The following ARHGAP44 variants were observed in gnomAD, a reference collection of about 807,000 sequenced individuals.
The protein encoded by ARHGAP44 is rho GTPase-activating protein 44.
A neutral mutation model predicts 106.8 loss-of-function variants in ARHGAP44; 43 were observed. That is an observed-to-expected ratio of 0.40 (90% CI 0.32 to 0.52). ARHGAP44 has a LOEUF of 0.52. ARHGAP44 is among the 20% of genes least tolerant of loss of function. The probability of loss-of-function intolerance (pLI) is 0.48; values close to 1 mark genes in which losing one functional copy is unlikely to be tolerated. For missense variants in ARHGAP44, 866 were observed against 1,050.5 expected, an observed-to-expected ratio of 0.82 and a Z score of 2.43; for synonymous variants, 439 against 410.3, an observed-to-expected ratio of 1.07 and a Z score of -0.85.
intron 1 of ARHGAP44, among the ~76,000 whole-genome samples, chr17:12,798,073 A>G (rs972078785): frequency 2.0e-5 from 3 of 152,158 alleles, no homozygotes; most frequent in Non-Finnish European, 4.4e-5. Context: ...GAACTATCTC[A>G]TTATTTTTAA....
At chr17:12,876,649 C>T (rs2036564510) in intron 1 of ARHGAP44, among the ~76,000 whole-genome samples, 1 of 151,794 alleles carries the variant, frequency 6.6e-6, no homozygotes, top group Non-Finnish European at 1.5e-5. Context: ...CGTGGTGGCT[C>T]ATAATCTGTA....
intron 1 of ARHGAP44, among the ~76,000 whole-genome samples, chr17:12,838,569 G>A (rs1040539129): frequency 6.6e-6 from 1 of 152,240 alleles, no homozygotes; most frequent in Admixed American, 6.5e-5. Flanking sequence ...TGGCAGTGGA[G>A]GGAATCAGGG....
intron 6 of ARHGAP44, among the ~76,000 whole-genome samples, chr17:12,926,458 AC>A (rs1487484322): frequency 2.0e-4 from 23 of 115,900 alleles, no homozygotes; most frequent in African/African-American, 6.9e-4. Flanking sequence ...TAATATATAT[AC>A]ATATATAATA....
chr17:12,939,839 C>T (rs1019811028), intron 7 of ARHGAP44, among the ~76,000 whole-genome samples: 5 of 152,214 alleles, frequency 3.3e-5, no homozygotes, highest in Non-Finnish European at 7.3e-5. Flanking sequence ...CTAATCTGTA[C>T]TTCAAGCTCT....
intron 16 of ARHGAP44, among the ~76,000 whole-genome samples, chr17:12,964,635 T>C (rs947194768): frequency 2.0e-5 from 3 of 151,980 alleles, no homozygotes; most frequent in Non-Finnish European, 4.4e-5. Flanking sequence ...ACCAAAGAAA[T>C]GAGCTGGGCG....
intron 1 of ARHGAP44, among the ~76,000 whole-genome samples, chr17:12,879,433 G>GTGT (rs1309053247): frequency 6.6e-5 from 10 of 152,072 alleles, no homozygotes; most frequent in Non-Finnish European, 1.3e-4. Context: ...AAACATGCAT[G>GTGT]TGTAAGTATC....
chr17:12,806,831 A>G (rs1431180668), intron 1 of ARHGAP44, among the ~76,000 whole-genome samples: 1 of 145,832 alleles, frequency 6.9e-6, no homozygotes, highest in East Asian at 2.0e-4. Context: ...GCATTTAGGG[A>G]TTCATGAATT....
At chr17:12,902,438 T>C (rs115769187) in intron 3 of ARHGAP44, among the ~76,000 whole-genome samples, 270 of 152,338 alleles carry the variant, frequency 1.8e-3, no homozygotes, top group African/African-American at 6.2e-3. Context: ...TATTTTATTT[T>C]CTTCATAGCA....
At chr17:12,940,550 C>T (rs1372990057) in intron 7 of ARHGAP44, among the ~76,000 whole-genome samples, 2 of 152,204 alleles carry the variant, frequency 1.3e-5, no homozygotes, top group Non-Finnish European at 2.9e-5. Context: ...TTTCCCTGTG[C>T]ACCTGTCTTA....
rs367997065 is a variant in ARHGAP44 at position 12,828,847 on chromosome 17, T to G, written c.53+38956T>G. On this transcript the variant is annotated intron_variant, in intron 1 of 20. Transcript: ENST00000379672. ...TAGTGGAGACGGGGTTTCACTGTGT[T>G]AGCCAGGATGGTCTCGATCTCCTGA... Among the ~76,000 whole-genome samples, 300 of 152,094 alleles carry G rather than the reference T, an allele frequency of 2.0e-3. 1 individual carries two copies. Among genetic ancestry groups the G allele is most frequent in the African/African-American group, 6.8e-3 (280 of 41,468 alleles).
chr17:12,910,591 G>A (rs552940942), intron 4 of ARHGAP44, among the ~76,000 whole-genome samples: 7 of 151,652 alleles, frequency 4.6e-5, no homozygotes, highest in East Asian at 2.0e-4. Flanking sequence ...GATTATAGGC[G>A]GGTGCCACCA....
intron 9 of ARHGAP44, 28 bp from the exon 10 acceptor site, chr17:12,944,037 GCTGA>G (rs1189210680): frequency 3.2e-6 from 5 of 1,568,016 alleles, no homozygotes; most frequent in Non-Finnish European, 2.6e-6. Context: ...TTGGCGAACA[GCTGA>G]CTGACTCTTT....
intron 2 of ARHGAP44, 131 bp from the exon 3 acceptor site, chr17:12,896,275 CA>C (rs139465622): frequency 4.2e-6 from 3 of 708,008 alleles, no homozygotes; most frequent in East Asian, 5.5e-5. Flanking sequence ...AACAAACAAA[CA>C]AAAAAACAAA....
chr17:12,944,487 A>AT (rs149504036), intron 10 of ARHGAP44, among the ~76,000 whole-genome samples: 3,319 of 141,850 alleles, frequency 0.023, 102 homozygotes, highest in African/African-American at 0.077. Context: ...GCATTCTGCT[A>AT]TTTTTTTTTT....
At chr17:12,861,447 T>C (rs1453042777) in intron 1 of ARHGAP44, among the ~76,000 whole-genome samples, 1 of 152,020 alleles carries the variant, frequency 6.6e-6, no homozygotes. Flanking sequence ...ATGTTGCTGC[T>C]CTCTGGAGGC....
At chr17:12,828,120 A>G (rs2034976107) in intron 1 of ARHGAP44, among the ~76,000 whole-genome samples, 1 of 151,706 alleles carries the variant, frequency 6.6e-6, no homozygotes, top group African/African-American at 2.4e-5. Context: ...CTGATATTTG[A>G]CCGTATTTTT....
intron 1 of ARHGAP44, among the ~76,000 whole-genome samples, chr17:12,839,301 C>T (rs2150826127): frequency 6.6e-6 from 1 of 152,204 alleles, no homozygotes; most frequent in Non-Finnish European, 1.5e-5. Flanking sequence ...GGTATGTGTC[C>T]CTTAGTGTCC....
chr17:12,881,494 A>T (rs12949676), intron 1 of ARHGAP44, among the ~76,000 whole-genome samples: 1 of 151,864 alleles, frequency 6.6e-6, no homozygotes, highest in East Asian at 1.9e-4. Flanking sequence ...CATTTTTGTG[A>T]GTTTATTCCT....
At chr17:12,947,904 T>C (rs1295614696) in intron 10 of ARHGAP44, among the ~76,000 whole-genome samples, 1 of 152,206 alleles carries the variant, frequency 6.6e-6, no homozygotes, top group African/African-American at 2.4e-5. Context: ...GTATCTGATG[T>C]ACCCTATATT....
Sources: gnomAD v4.1 joint callset for allele counts (sites outside exome capture counted in the v4.1 genomes callset) on GRCh38, gnomAD v4.1.1 for gene constraint, MANE v1.5 for transcripts, NCBI Gene and HGNC (gene_info 2026-07-23, HGNC 2026-07-21) for gene names.